The following TAFA4 variants were observed in gnomAD, a reference collection of about 807,000 sequenced individuals.
The protein encoded by TAFA4 is TAFA chemokine like family member 4.
Under a neutral mutation model 21.1 loss-of-function variants are expected in TAFA4, and 20 were observed. The ratio of observed to expected loss-of-function variants is 0.95; its 90% CI spans 0.67 to 1.38. TAFA4 has a LOEUF of 1.38. TAFA4 is among the 40% of genes most tolerant of loss of function. TAFA4 has a pLI of 0.00. For missense variants in TAFA4, 211 were observed against 180.9 expected, an observed-to-expected ratio of 1.17 and a Z score of -0.95; for synonymous variants, 71 against 67.4, an observed-to-expected ratio of 1.05 and a Z score of -0.26.
chr3:68,770,261 G>T (rs1301595044), intron 3 of TAFA4, among the ~76,000 whole-genome samples: 1 of 152,170 alleles, frequency 6.6e-6, no homozygotes, highest in Non-Finnish European at 1.5e-5. Context: ...TAGGAATGAT[G>T]CCAAAATTGG....
intron 3 of TAFA4, among the ~76,000 whole-genome samples, chr3:68,763,987 A>G (rs780199733): frequency 4.1e-4 from 62 of 152,142 alleles, no homozygotes; most frequent in Non-Finnish European, 7.6e-4. Flanking sequence ...CTGAGATACA[A>G]CTTACTTCTT....
intron 3 of TAFA4, among the ~76,000 whole-genome samples, chr3:68,792,128 C>G (rs1444772626): frequency 6.6e-6 from 1 of 152,190 alleles, no homozygotes; most frequent in Non-Finnish European, 1.5e-5. Flanking sequence ...CAAAACCCAT[C>G]TTTGCAAGCT....
chr3:68,929,943 G>A (rs1489339865), intron 1 of TAFA4, among the ~76,000 whole-genome samples: 1 of 152,214 alleles, frequency 6.6e-6, no homozygotes, highest in Non-Finnish European at 1.5e-5. Context: ...ATTGGCTGCT[G>A]ATGATGTCAT....
chr3:68,767,201 T>C (rs990311004), intron 3 of TAFA4, among the ~76,000 whole-genome samples: 1 of 152,142 alleles, frequency 6.6e-6, no homozygotes, highest in Non-Finnish European at 1.5e-5. Context: ...TTAACACAAT[T>C]ATTTAATAAT....
At chr3:68,746,156 G>A (rs1352036173) in intron 4 of TAFA4, among the ~76,000 whole-genome samples, 3 of 152,084 alleles carry the variant, frequency 2.0e-5, no homozygotes, top group Non-Finnish European at 4.4e-5. Context: ...GGGGCTCTGG[G>A]CTCTCAGGCC....
At chr3:68,926,867 C>G (rs745829181) in intron 1 of TAFA4, among the ~76,000 whole-genome samples, 1 of 151,896 alleles carries the variant, frequency 6.6e-6, no homozygotes, top group African/African-American at 2.4e-5. Flanking sequence ...GCCAAGATTC[C>G]GCCATTGCAC....
intron 3 of TAFA4, among the ~76,000 whole-genome samples, chr3:68,775,949 T>C (rs1477868371): frequency 3.3e-5 from 5 of 151,900 alleles, no homozygotes; most frequent in African/African-American, 4.8e-5. Context: ...CAGAAGACAA[T>C]GGAGCAAGAT....
intron 1 of TAFA4, among the ~76,000 whole-genome samples, chr3:68,916,407 G>A (rs995791527): frequency 5.9e-5 from 9 of 152,028 alleles, no homozygotes; most frequent in South Asian, 4.1e-4. Flanking sequence ...ATCTGTCTTC[G>A]TAGTATCCAT....
At chr3:68,909,242 G>C (rs748792910) in intron 1 of TAFA4, among the ~76,000 whole-genome samples, 2 of 152,184 alleles carry the variant, frequency 1.3e-5, no homozygotes, top group African/African-American at 2.4e-5. Context: ...GTTCTGTCTT[G>C]TGGAAGAGGA....
chr3:68,879,245 G>C (rs1191118415), intron 3 of TAFA4, among the ~76,000 whole-genome samples: 1 of 151,972 alleles, frequency 6.6e-6, no homozygotes, highest in African/African-American at 2.4e-5. Context: ...ACCCACAGTA[G>C]AGTGAAAATC....
intron 3 of TAFA4, among the ~76,000 whole-genome samples, chr3:68,753,334 G>GTTTTTTTT (rs4065540): frequency 1.7e-5 from 2 of 114,498 alleles, no homozygotes; most frequent in African/African-American, 6.9e-5. Flanking sequence ...GATTGATAGA[G>GTTTTTTTT]TTTTTTTTTT....
intron 3 of TAFA4, among the ~76,000 whole-genome samples, chr3:68,850,699 G>C (rs1039684561): frequency 2.6e-5 from 4 of 151,258 alleles, no homozygotes; most frequent in Non-Finnish European, 5.9e-5. Flanking sequence ...CTTTTGAGAA[G>C]TGTTCGTGTC....
chr3:68,920,636 CTAAT>C (rs1435460337), intron 1 of TAFA4, among the ~76,000 whole-genome samples: 2 of 141,758 alleles, frequency 1.4e-5, no homozygotes, highest in Non-Finnish European at 1.5e-5. Flanking sequence ...TACTTTTTCT[CTAAT>C]TTTTTTTTTT....
chr3:68,865,690 G>A (rs2089407300), intron 3 of TAFA4, among the ~76,000 whole-genome samples: 1 of 152,102 alleles, frequency 6.6e-6, no homozygotes, highest in African/African-American at 2.4e-5. Flanking sequence ...CTGGAATGCA[G>A]TGGCTATACA....
At chr3:68,831,544 T>C (rs556151216) in intron 3 of TAFA4, among the ~76,000 whole-genome samples, 2 of 151,080 alleles carry the variant, frequency 1.3e-5, no homozygotes, top group Admixed American at 1.3e-4. Flanking sequence ...GTTTCTGCAA[T>C]CAGATCTGCT....
At chr3:68,773,516 C>T (rs1202966474) in intron 3 of TAFA4, among the ~76,000 whole-genome samples, 1 of 152,170 alleles carries the variant, frequency 6.6e-6, no homozygotes, top group Non-Finnish European at 1.5e-5. Context: ...ATCTCCAGCT[C>T]CCCTCCTCTA....
At chr3:68,780,032 G>A (rs1156549708) in intron 3 of TAFA4, among the ~76,000 whole-genome samples, 1 of 152,234 alleles carries the variant, frequency 6.6e-6, no homozygotes, top group Non-Finnish European at 1.5e-5. Flanking sequence ...ACCTTGATGT[G>A]AGACATGGAG....
At chr3:68,929,991 T>G (rs996092679) in intron 1 of TAFA4, among the ~76,000 whole-genome samples, 1 of 152,216 alleles carries the variant, frequency 6.6e-6, no homozygotes, top group Admixed American at 6.5e-5. Context: ...AGTTTTAATA[T>G]CACATGCATC....
intron 5 of TAFA4, among the ~76,000 whole-genome samples, chr3:68,737,057 A>C (rs1026529976): frequency 1.3e-5 from 2 of 152,150 alleles, no homozygotes; most frequent in East Asian, 1.9e-4. Context: ...CTAACTACAC[A>C]TAAATAGAAA....
Sources: allele counts gnomAD v4.1 joint callset (sites outside exome capture counted in the v4.1 genomes callset), GRCh38; gene constraint gnomAD v4.1.1; transcripts MANE v1.5; gene names NCBI Gene and HGNC (gene_info 2026-07-23, HGNC 2026-07-21).